Variants in ARMH3 observed in about 807,000 individuals in gnomAD.
ARMH3 encodes armadillo like helical domain containing 3.
A neutral mutation model predicts 99.1 loss-of-function variants in ARMH3; 60 were observed. The observed-to-expected ratio is 0.61, with a 90% confidence interval of 0.49 to 0.75. The LOEUF (loss-of-function observed/expected upper bound fraction) is 0.75. Ranked by LOEUF, ARMH3 falls within the 30% of genes least tolerant of loss-of-function variation. The probability of loss-of-function intolerance (pLI) is 0.00; values close to 1 mark genes in which losing one functional copy is unlikely to be tolerated. For missense variants in ARMH3, 679 were observed against 843.1 expected, an observed-to-expected ratio of 0.81 and a Z score of 2.41; for synonymous variants, 285 against 292.8, an observed-to-expected ratio of 0.97 and a Z score of 0.27.
chr10:101,889,653 G>T (rs570658223), intron 23 of ARMH3, 163 bp from the exon 24 acceptor site: 2 of 677,960 alleles, frequency 3.0e-6, no homozygotes, highest in Non-Finnish European at 2.7e-6. Flanking sequence ...ACAAATGGGG[G>T]TGAATTGATA....
rs952364872 is a variant in ARMH3, at chr10:101,930,512, G to T, written c.1781+9351C>A. On this transcript the variant is annotated intron_variant, in intron 23 of 25. Coordinates refer to ENST00000370033, the MANE Select transcript of ARMH3 (RefSeq NM_024541.3). ...TTGGTTAATAGCCTCTCAGGTATAC[G>T]TGTATTCATTTTGGAGACATTCTTT... Among the ~76,000 whole-genome samples the T allele has an allele frequency of 2.6e-5, 4 of 152,134 alleles. No homozygotes were observed. In the East Asian group the frequency reaches 7.7e-4, roughly 29 times the overall value.
chr10:101,873,181 A>G, intron 24 of ARMH3, among the ~76,000 whole-genome samples: 1 of 150,920 alleles, frequency 6.6e-6, no homozygotes, highest in South Asian at 2.1e-4. Flanking sequence ...AGGTGGGCGG[A>G]TCATGAGGTA....
At chr10:101,875,517 T>C (rs1037961724) in intron 24 of ARMH3, among the ~76,000 whole-genome samples, 7 of 152,104 alleles carry the variant, frequency 4.6e-5, no homozygotes, top group African/African-American at 1.7e-4. Flanking sequence ...GAAGGTTTTT[T>C]CCCCCCTTTC....
At chr10:101,929,062 C>T (rs1185714728) in intron 23 of ARMH3, among the ~76,000 whole-genome samples, 2 of 152,134 alleles carry the variant, frequency 1.3e-5, no homozygotes, top group Non-Finnish European at 2.9e-5. Flanking sequence ...GAGCACAGTA[C>T]AAGAATGTCT....
At chr10:102,023,791 T>G in intron 6 of ARMH3, 42 bp from the exon 7 acceptor site, 2 of 1,550,172 alleles carry the variant, frequency 1.3e-6, no homozygotes, top group Middle Eastern at 1.9e-4. Context: ...TTCTGAGGTA[T>G]TCTGATATCT....
chr10:101,936,449 G>A (rs1294148401), intron 23 of ARMH3, among the ~76,000 whole-genome samples: 2 of 144,660 alleles, frequency 1.4e-5, no homozygotes, highest in East Asian at 2.0e-4. Flanking sequence ...TACAGATCAC[G>A]CCACTGCACT....
chr10:101,959,740 G>A (rs1845194395), intron 20 of ARMH3, among the ~76,000 whole-genome samples: 1 of 152,190 alleles, frequency 6.6e-6, no homozygotes. Flanking sequence ...ACAGGCATTA[G>A]CGGAGCCAGA....
chr10:102,032,063 T>C (rs896601765), intron 4 of ARMH3, among the ~76,000 whole-genome samples: 10 of 152,152 alleles, frequency 6.6e-5, no homozygotes, highest in African/African-American at 1.9e-4. Context: ...TCTAAACCTA[T>C]CAATCACTGC....
At chr10:102,021,829 A>C (rs1260841733) in intron 8 of ARMH3, among the ~76,000 whole-genome samples, 5 of 152,110 alleles carry the variant, frequency 3.3e-5, no homozygotes, top group African/African-American at 1.2e-4. Flanking sequence ...TACAGGCATA[A>C]GCCATCGCGC....
intron 14 of ARMH3, among the ~76,000 whole-genome samples, chr10:102,004,192 A>AGCT (rs2066430743): frequency 1.3e-5 from 2 of 152,234 alleles, no homozygotes; most frequent in African/African-American, 2.4e-5. Flanking sequence ...GCCGGCTTTT[A>AGCT]AAAATATGGC....
intron 8 of ARMH3, among the ~76,000 whole-genome samples, chr10:102,023,095 G>A (rs2136166002): frequency 6.6e-6 from 1 of 152,026 alleles, no homozygotes; most frequent in South Asian, 2.1e-4. Flanking sequence ...GCTGAGGCAG[G>A]AGAATTGCTT....
intron 23 of ARMH3, among the ~76,000 whole-genome samples, chr10:101,906,967 A>C (rs1334059525): frequency 2.0e-5 from 3 of 152,120 alleles, no homozygotes; most frequent in Non-Finnish European, 4.4e-5. Flanking sequence ...GATACAAGGT[A>C]CCCTCCCCTT....
At chr10:101,958,446 A>G (rs993541039) in intron 20 of ARMH3, among the ~76,000 whole-genome samples, 36 of 152,238 alleles carry the variant, frequency 2.4e-4, no homozygotes, top group African/African-American at 7.0e-4. Flanking sequence ...GCAGCTTCAG[A>G]CATTTTTGCA....
chr10:101,873,973 A>G (rs58504285), intron 24 of ARMH3, among the ~76,000 whole-genome samples: 11,034 of 152,238 alleles, frequency 0.072, 1,301 homozygotes, highest in African/African-American at 0.25. Flanking sequence ...GGGTGGATAT[A>G]TATTTTCATT....
intron 23 of ARMH3, among the ~76,000 whole-genome samples, chr10:101,917,291 A>G (rs1275414893): frequency 6.6e-6 from 1 of 152,136 alleles, no homozygotes; most frequent in Admixed American, 6.5e-5. Context: ...AAAACAACTG[A>G]CCTATACCCT....
At chr10:101,900,655 T>C (rs949131585) in intron 23 of ARMH3, among the ~76,000 whole-genome samples, 5 of 152,172 alleles carry the variant, frequency 3.3e-5, no homozygotes, top group African/African-American at 1.2e-4. Context: ...AAATGAGCAA[T>C]TGACTAGTCT....
rs1326918104 is a variant in ARMH3, at chr10:101,886,300, G to A, written c.1860+3112C>T. Among the ~76,000 whole-genome samples, 6 of 151,856 alleles carry A rather than the reference G, an allele frequency of 4.0e-5. 1 individual carries two copies. The highest frequency in any genetic ancestry group is 8.8e-5 in the Non-Finnish European group (6 of 67,952). ...AGGCTAAAGCAGGTGGCTCATTTGA[G>A]GTCAGGAGTTCAAGACCAACCTGGC... On this transcript the variant is annotated intron_variant, in intron 24 of 25. Transcript: ENST00000370033.
intron 20 of ARMH3, among the ~76,000 whole-genome samples, chr10:101,967,858 G>T (rs1379472530): frequency 6.6e-6 from 1 of 152,114 alleles, no homozygotes; most frequent in Non-Finnish European, 1.5e-5. Context: ...AAAATGAAAT[G>T]GCTCTGGCTG....
intron 1 of ARMH3, among the ~76,000 whole-genome samples, chr10:102,047,372 T>C (rs1319723730): frequency 6.6e-6 from 1 of 152,120 alleles, no homozygotes; most frequent in Non-Finnish European, 1.5e-5. Flanking sequence ...ATCCTCAGCT[T>C]AGGAGGGAGT....
Sources: allele counts gnomAD v4.1 joint callset (sites outside exome capture counted in the v4.1 genomes callset), GRCh38; gene constraint gnomAD v4.1.1; transcripts MANE v1.5; gene names NCBI Gene and HGNC (gene_info 2026-07-23, HGNC 2026-07-21).